PTPN9: variants seen among roughly 807,000 people sequenced by gnomAD.
The protein encoded by PTPN9 is protein tyrosine phosphatase non-receptor type 9.
PTPN9 carries 26 observed loss-of-function variants against 69.8 expected under a neutral mutation model. That is an observed-to-expected ratio of 0.37 (90% CI 0.27 to 0.52). The LOEUF (loss-of-function observed/expected upper bound fraction) is 0.52, where lower values mean the gene tolerates loss of function less well. PTPN9 is among the 20% of genes least tolerant of loss of function. The pLI is 0.91. For synonymous variants in PTPN9, 274 were observed against 272.5 expected (o/e 1.01, Z -0.05); for missense variants, 549 against 740.3 (o/e 0.74, Z 3.00).
intron 7 of PTPN9, among the ~76,000 whole-genome samples, chr15:75,496,437 G>A (rs1171429335): frequency 6.6e-6 from 1 of 151,714 alleles, no homozygotes; most frequent in Non-Finnish European, 1.5e-5. Flanking sequence ...AAATGAAAGT[G>A]GAGACATAGT....
At chr15:75,503,906 G>T (rs1595955113) in intron 7 of PTPN9, among the ~76,000 whole-genome samples, 2 of 117,288 alleles carry the variant, frequency 1.7e-5, no homozygotes, top group South Asian at 2.7e-4. Flanking sequence ...GAGGGAGGTG[G>T]GGTCAGCCCC....
At chr15:75,559,744 C>G (rs367718141) in intron 1 of PTPN9, among the ~76,000 whole-genome samples, 2 of 111,542 alleles carry the variant, frequency 1.8e-5, no homozygotes, top group East Asian at 4.6e-4. Context: ...TCCCCCTCTG[C>G]GAGAAACACC....
Position 75,505,989 on chromosome 15 carries a change from C to G in PTPN9, c.654G>C (p.Lys218Asn). 1 of 1,610,502 alleles carries G rather than the reference C, an allele frequency of 6.2e-7. No homozygotes were observed. Among genetic ancestry groups the G allele is most frequent in the African/African-American group, 1.3e-5 (1 of 74,884 alleles). The stretch of plus-strand genomic sequence containing the variant: ...GCAGATGCTGCGTGACCTCAGATGT[C>G]TTTAATATTTGAATCTGGAAGGTTA... The part of the protein sequence containing the change: ...DKVRERIQIL[K>N]TSEVTQHLPR... Residue 218 changes from lysine to asparagine, a missense_variant, in exon 7 of 13, where the codon AAG (lysine) becomes AAC (asparagine). Physicochemically the swap from Lys to Asn is moderately conservative, Grantham distance 94 (BLOSUM62 0). Transcript: ENST00000618819.
At chr15:75,526,761 G>A (rs946090614) in intron 2 of PTPN9, among the ~76,000 whole-genome samples, 2 of 152,114 alleles carry the variant, frequency 1.3e-5, no homozygotes, top group African/African-American at 4.8e-5. Flanking sequence ...AAAAGCCTTA[G>A]ACAACCTGAA....
chr15:75,507,716 G>A (rs547365538), intron 6 of PTPN9, among the ~76,000 whole-genome samples: 63 of 151,398 alleles, frequency 4.2e-4, no homozygotes, highest in Non-Finnish European at 7.7e-4. Context: ...GCAGTGAGCC[G>A]AGATCGCTTC....
intron 7 of PTPN9, among the ~76,000 whole-genome samples, chr15:75,495,749 AAAAC>A (rs1307719240): frequency 5.3e-5 from 8 of 152,230 alleles, no homozygotes; most frequent in South Asian, 4.1e-4. Context: ...ACAACAATAA[AAAAC>A]AAAAGAAAAA....
At chr15:75,544,222 C>T (rs540917851) in intron 1 of PTPN9, among the ~76,000 whole-genome samples, 77 of 152,240 alleles carry the variant, frequency 5.1e-4, no homozygotes, top group Non-Finnish European at 9.6e-4. Flanking sequence ...CGGAAAAAAA[C>T]GAAACCTGCC....
intron 5 of PTPN9, among the ~76,000 whole-genome samples, chr15:75,512,212 CTT>C (rs534426395): frequency 6.9e-6 from 1 of 144,056 alleles, no homozygotes; most frequent in Admixed American, 7.0e-5. Context: ...TATGAATATT[CTT>C]TTTTTTTTTT....
At chr15:75,571,950 C>T (rs541415657) in intron 1 of PTPN9, among the ~76,000 whole-genome samples, 1 of 152,154 alleles carries the variant, frequency 6.6e-6, no homozygotes, top group Admixed American at 6.6e-5. Context: ...CTCTATTATC[C>T]TATCAATCAT....
At chr15:75,494,311 A>C (rs1257243207) in intron 7 of PTPN9, among the ~76,000 whole-genome samples, 1 of 151,950 alleles carries the variant, frequency 6.6e-6, no homozygotes, top group Non-Finnish European at 1.5e-5. Context: ...CAATGTAATA[A>C]ATTTTAAAAG....
At chr15:75,554,005 C>CTTTTTTTTT (rs72050060) in intron 1 of PTPN9, among the ~76,000 whole-genome samples, 4 of 125,378 alleles carry the variant, frequency 3.2e-5, no homozygotes, top group Admixed American at 8.5e-5. Context: ...TACTTTCTTT[C>CTTTTTTTTT]TTTTTTTTTT....
chr15:75,542,167 A>T (rs1446293966), intron 1 of PTPN9, among the ~76,000 whole-genome samples: 1 of 152,344 alleles, frequency 6.6e-6, no homozygotes, highest in Admixed American at 6.5e-5. Context: ...ATCTTTCACA[A>T]TGAGTTTACA....
chr15:75,522,009 A>G (rs565975003), intron 4 of PTPN9, among the ~76,000 whole-genome samples: 1 of 152,306 alleles, frequency 6.6e-6, no homozygotes, highest in East Asian at 1.9e-4. Context: ...CCTGGCCTCA[A>G]TATAGCACTT....
intron 12 of PTPN9, 46 bp from the exon 13 acceptor site, chr15:75,469,029 T>G (rs769387355): frequency 2.0e-6 from 3 of 1,492,032 alleles, no homozygotes; most frequent in Non-Finnish European, 2.8e-6. Flanking sequence ...CTCTCTTCTC[T>G]TCCTCCCTCT....
intron 7 of PTPN9, among the ~76,000 whole-genome samples, chr15:75,491,857 ACTT>A (rs2074712779): frequency 6.6e-6 from 1 of 152,178 alleles, no homozygotes; most frequent in Non-Finnish European, 1.5e-5. Context: ...AATTTCTACT[ACTT>A]ATTTGTCAAA....
chr15:75,515,832 G>A (rs1030852573), intron 5 of PTPN9, among the ~76,000 whole-genome samples: 6 of 152,040 alleles, frequency 3.9e-5, no homozygotes, highest in African/African-American at 1.4e-4. Flanking sequence ...GGGAGGTGGA[G>A]GTTGCAGTGA....
chr15:75,547,608 T>C (rs1342584117), intron 1 of PTPN9, among the ~76,000 whole-genome samples: 1 of 151,932 alleles, frequency 6.6e-6, no homozygotes, highest in Non-Finnish European at 1.5e-5. Context: ...AAAACTTAAC[T>C]ACACTGCATT....
At chr15:75,528,696 T>C (rs2074941744) in intron 1 of PTPN9, among the ~76,000 whole-genome samples, 1 of 73,910 alleles carries the variant, frequency 1.4e-5, no homozygotes, top group African/African-American at 5.1e-5. Context: ...CCTCAGCACA[T>C]TTTTTTTTTT....
In PTPN9 at chr15:75,578,747, G is replaced by A. The variant is rs1409996943; in HGVS notation, c.30C>T (p.Asp10=). 38 of 1,314,524 alleles carry A rather than the reference G, an allele frequency of 2.9e-5. No homozygotes were observed. The highest frequency in any genetic ancestry group is 3.7e-5 in the Non-Finnish European group (38 of 1,032,142). 81.4% of individuals were successfully genotyped at this position (1,314,524 alleles called of 1,614,324 possible). The change falls in exon 1 of 13, where the codon GAC becomes GAT. Residue 10 remains aspartate (D), a synonymous_variant. Transcript: ENST00000618819. MEPATAPRP[D]MAPELTPEEE... ...CCTCCGGGGTCAGCTCCGGCGCCAT[G>A]TCGGGCCGGGGCGCGGTCGCGGGCT...
Sources: gnomAD v4.1 joint callset for allele counts (sites outside exome capture counted in the v4.1 genomes callset) on GRCh38, gnomAD v4.1.1 for gene constraint, MANE v1.5 for transcripts, NCBI Gene and HGNC (gene_info 2026-07-23, HGNC 2026-07-21) for gene names.